EDEM3: variants seen among roughly 807,000 people sequenced by gnomAD.
EDEM3 encodes ER degradation enhancing alpha-mannosidase like protein 3.
In EDEM3, 60 loss-of-function variants were observed where a neutral mutation model predicts 110.2. That is an observed-to-expected ratio of 0.54 (90% confidence interval 0.44 to 0.67). The LOEUF (loss-of-function observed/expected upper bound fraction) is 0.67. Ranked by LOEUF, EDEM3 falls within the 30% of genes least tolerant of loss-of-function variation. EDEM3 has a pLI of 0.00. For synonymous variants in EDEM3, 352 were observed against 382.9 expected (o/e 0.92, Z 0.94); for missense variants, 996 against 1,121.0 (o/e 0.89, Z 1.59).
intron 1 of EDEM3, among the ~76,000 whole-genome samples, chr1:184,751,002 T>C (rs752548110): frequency 2.0e-5 from 3 of 152,042 alleles, no homozygotes; most frequent in Non-Finnish European, 4.4e-5. Context: ...CAGTTCCAGA[T>C]CCTGACTATG....
chr1:184,750,267 T>C (rs1394266285), intron 1 of EDEM3, among the ~76,000 whole-genome samples: 1 of 152,236 alleles, frequency 6.6e-6, no homozygotes, highest in Admixed American at 6.5e-5. Context: ...GAGAGTTGTG[T>C]GTTTTGGCGA....
chr1:184,710,334 C>T (rs776149358), intron 16 of EDEM3, 60 bp downstream of exon 16: 7 of 1,547,946 alleles, frequency 4.5e-6, no homozygotes, highest in Admixed American at 1.8e-5. Flanking sequence ...CTTATTAAAG[C>T]TAATGCGACC....
chr1:184,700,785 T>C (rs1649573885), intron 19 of EDEM3, among the ~76,000 whole-genome samples: 1 of 151,974 alleles, frequency 6.6e-6, no homozygotes. Flanking sequence ...AGTGAATACA[T>C]TTGTTGATTT....
At chr1:184,733,569 C>T (rs1250075489) in intron 5 of EDEM3, among the ~76,000 whole-genome samples, 1 of 152,216 alleles carries the variant, frequency 6.6e-6, no homozygotes, top group Non-Finnish European at 1.5e-5. Context: ...GTGGCTCACG[C>T]CTATAATCCC....
chr1:184,745,151 G>A (rs1652359347), intron 2 of EDEM3, among the ~76,000 whole-genome samples: 2 of 152,160 alleles, frequency 1.3e-5, no homozygotes, highest in Non-Finnish European at 2.9e-5. Context: ...TTAGCTGAAC[G>A]ATCTGGTTCT....
chr1:184,734,650 G>A lies in EDEM3; in HGVS notation c.346-7C>T. 5 of 1,209,914 alleles carry A rather than the reference G, an allele frequency of 4.1e-6. No individual in the cohort carries two copies. The highest frequency in any genetic ancestry group is 4.7e-6 in the Non-Finnish European group (4 of 859,372). 74.9% of individuals were successfully genotyped at this position (1,209,914 alleles called of 1,614,324 possible). A position where few individuals can be genotyped will look rare whatever the true frequency, so the allele number is the denominator to read the frequency against. On this transcript the variant is annotated splice_region_variant and splice_polypyrimidine_tract_variant and intron_variant, in intron 4 of 19. Transcript: ENST00000318130. ...CTTTAGTTTTATTTAAAACCTGGGA[G>A]AAGAAAATTATGAAATAAAGTTCTT...
chr1:184,747,125 A>G (rs947825749), intron 2 of EDEM3, among the ~76,000 whole-genome samples: 1 of 152,200 alleles, frequency 6.6e-6, no homozygotes, highest in Non-Finnish European at 1.5e-5. Context: ...ACATATAAAA[A>G]AGGTGAATGT....
intron 9 of EDEM3, chr1:184,720,562 T>C (rs1650842063): frequency 6.8e-6 from 1 of 147,404 alleles, no homozygotes; most frequent in Non-Finnish European, 1.5e-5. Context: ...CAGGCTGGAG[T>C]GCAGTGGCGC....
intron 2 of EDEM3, among the ~76,000 whole-genome samples, chr1:184,739,973 G>A: frequency 6.6e-6 from 1 of 152,226 alleles, no homozygotes. Context: ...TGGTGGCCCT[G>A]CATACATGGC....
chr1:184,741,327 A>G (rs1652124610), intron 2 of EDEM3, among the ~76,000 whole-genome samples: 1 of 152,142 alleles, frequency 6.6e-6, no homozygotes, highest in Non-Finnish European at 1.5e-5. Flanking sequence ...TGAACCTGGG[A>G]GGCAGAGGCT....
At chr1:184,698,136 T>C (rs10911633) in intron 19 of EDEM3, among the ~76,000 whole-genome samples, 46,199 of 151,534 alleles carry the variant, frequency 0.3, 8,559 homozygotes, top group East Asian at 0.55. Flanking sequence ...ATATGCTGAC[T>C]AAAATAGGAA....
chr1:184,741,061 A>T (rs1471765262), intron 2 of EDEM3, among the ~76,000 whole-genome samples: 1 of 152,202 alleles, frequency 6.6e-6, no homozygotes, highest in Non-Finnish European at 1.5e-5. Context: ...CAGCAAAGAA[A>T]GCACTGTTTA....
intron 2 of EDEM3, among the ~76,000 whole-genome samples, chr1:184,746,955 T>C (rs1652461390): frequency 6.6e-6 from 1 of 151,986 alleles, no homozygotes; most frequent in Non-Finnish European, 1.5e-5. Context: ...CTTAAACTTG[T>C]ATTTTTAATT....
intron 2 of EDEM3, 93 bp downstream of exon 2, chr1:184,749,454 A>T: frequency 2.0e-6 from 2 of 986,980 alleles, no homozygotes; most frequent in Non-Finnish European, 2.9e-6. Context: ...TAAAAAATGT[A>T]ATTGTATTGT....
intron 19 of EDEM3, among the ~76,000 whole-genome samples, chr1:184,695,845 T>C (rs1649301220): frequency 6.6e-6 from 1 of 151,880 alleles, no homozygotes. Flanking sequence ...AAAGGAAATG[T>C]AGACATGCAG....
intron 13 of EDEM3, 51 bp downstream of exon 13, chr1:184,716,837 G>A (rs766927702): frequency 6.3e-7 from 1 of 1,589,942 alleles, no homozygotes; most frequent in African/African-American, 1.3e-5. Context: ...GCTGCATTTT[G>A]TGTTGTTTCA....
In EDEM3 at chr1:184,744,853, T is replaced by C. The variant is rs1464009677; in HGVS notation, c.204+4694A>G. ...TGGATAAATCTCAAAAGCATCATGC[T>C]AAATGAAAGAAAGTAAATCAAAAGA... On this transcript the variant is annotated intron_variant, in intron 2 of 19. Coordinates refer to ENST00000318130, the MANE Select transcript of EDEM3 (RefSeq NM_025191.4). Among the ~76,000 whole-genome samples, 298 of 152,040 alleles carry C rather than the reference T, an allele frequency of 2.0e-3. 7 individuals carry two copies. The highest frequency in any genetic ancestry group is 1.6e-4 in the Non-Finnish European group (11 of 67,944).
chr1:184,707,493 C>A (rs1649993182), intron 17 of EDEM3, among the ~76,000 whole-genome samples: 1 of 152,152 alleles, frequency 6.6e-6, no homozygotes, highest in South Asian at 2.1e-4. Context: ...ATGAATCAAT[C>A]AATCTATATA....
intron 6 of EDEM3, among the ~76,000 whole-genome samples, chr1:184,729,978 TTTTAA>T (rs1221267664): frequency 6.6e-6 from 1 of 152,168 alleles, no homozygotes; most frequent in Non-Finnish European, 1.5e-5. Context: ...AAAACTTTGC[TTTTAA>T]TTTAATATGC....
Sources: gnomAD v4.1 joint callset for allele counts (sites outside exome capture counted in the v4.1 genomes callset) on GRCh38, gnomAD v4.1.1 for gene constraint, MANE v1.5 for transcripts, NCBI Gene and HGNC (gene_info 2026-07-23, HGNC 2026-07-21) for gene names.